Variants in RBFOX1 observed in about 807,000 individuals in gnomAD.
RBFOX1 encodes RNA binding protein fox-1 homolog 1.
A neutral mutation model predicts 57.7 loss-of-function variants in RBFOX1; 8 were observed. The observed-to-expected ratio is 0.14, with a 90% CI of 0.08 to 0.25. The LOEUF (loss-of-function observed/expected upper bound fraction) is 0.25. Among genes scored for constraint, RBFOX1 ranks in the 10% least tolerant of loss-of-function variants. The probability of loss-of-function intolerance (pLI) is 1.00; values close to 1 mark genes in which losing one functional copy is unlikely to be tolerated. For synonymous variants in RBFOX1, 326 were observed against 222.4 expected, an observed-to-expected ratio of 1.47 and a Z score of -4.15; for missense variants, 611 against 548.5, an observed-to-expected ratio of 1.11 and a Z score of -1.14.
chr16:5,898,608 T>G (rs757939251), intron 4 of RBFOX1, among the ~76,000 whole-genome samples: 3 of 152,080 alleles, frequency 2.0e-5, no homozygotes, highest in Non-Finnish European at 4.4e-5. Flanking sequence ...CAAGTCTGTT[T>G]TGCAGATGAA....
intron 1 of RBFOX1, among the ~76,000 whole-genome samples, chr16:5,327,177 C>T (rs907723064): frequency 1.3e-5 from 2 of 152,142 alleles, no homozygotes; most frequent in African/African-American, 4.8e-5. Context: ...CCTGGAGATT[C>T]CAAAAATTTG....
chr16:6,134,024 C>T (rs767197664), intron 1 of RBFOX1, among the ~76,000 whole-genome samples: 1 of 151,942 alleles, frequency 6.6e-6, no homozygotes, highest in Admixed American at 6.6e-5. Context: ...GCAACCTCTG[C>T]CTCCTGGGTT....
At chr16:6,368,357 T>A (rs1198640004) in intron 2 of RBFOX1, among the ~76,000 whole-genome samples, 1 of 152,166 alleles carries the variant, frequency 6.6e-6, no homozygotes, top group African/African-American at 2.4e-5. Context: ...GATAATGAAA[T>A]GGCATGCTAG....
intron 3 of RBFOX1, among the ~76,000 whole-genome samples, chr16:6,955,483 G>A (rs2081601619): frequency 6.6e-6 from 1 of 151,830 alleles, no homozygotes. Context: ...ATCACATTCA[G>A]GCAAGATATG....
intron 4 of RBFOX1, among the ~76,000 whole-genome samples, chr16:7,351,117 C>G (rs1262558898): frequency 6.6e-6 from 1 of 152,304 alleles, no homozygotes; most frequent in South Asian, 2.1e-4. Flanking sequence ...CCCCTTGGGA[C>G]TGGATCTCTC....
intron 3 of RBFOX1, among the ~76,000 whole-genome samples, chr16:5,807,605 A>G (rs1011388039): frequency 5.3e-5 from 8 of 152,220 alleles, no homozygotes; most frequent in African/African-American, 1.9e-4. Context: ...GTGTATAAAT[A>G]GGGATGAATG....
intron 4 of RBFOX1, among the ~76,000 whole-genome samples, chr16:7,415,750 TA>T (rs1483521654): frequency 1.3e-5 from 2 of 151,452 alleles, no homozygotes; most frequent in Non-Finnish European, 2.9e-5. Context: ...ATGGTTACGT[TA>T]ATTTTCCAGT....
intron 2 of RBFOX1, among the ~76,000 whole-genome samples, chr16:6,647,527 C>T (rs8058262): frequency 0.52 from 79,380 of 151,634 alleles, 21,158 homozygotes; most frequent in Admixed American, 0.65. Context: ...GGATTATAGG[C>T]GTGAGCCACC....
intron 3 of RBFOX1, among the ~76,000 whole-genome samples, chr16:6,757,642 G>C (rs372858198): frequency 1.1e-3 from 171 of 152,230 alleles, no homozygotes; most frequent in African/African-American, 3.8e-3. Flanking sequence ...ACCAGAGGCT[G>C]GGAAGGGTAG....
chr16:7,040,210 G>A (rs372160492), intron 3 of RBFOX1, among the ~76,000 whole-genome samples: 100 of 151,820 alleles, frequency 6.6e-4, no homozygotes, highest in East Asian at 2.5e-3. Flanking sequence ...TAGTAGAGAC[G>A]GGGTTTCACC....
chr16:5,240,732 G>T (rs1353402675), intron 1 of RBFOX1, among the ~76,000 whole-genome samples: 2 of 152,216 alleles, frequency 1.3e-5, no homozygotes, highest in Non-Finnish European at 2.9e-5. Flanking sequence ...TCGGGGCGCT[G>T]TCCCTGTGAG....
chr16:6,086,350 A>C (rs1597164328), intron 1 of RBFOX1, among the ~76,000 whole-genome samples: 1 of 152,178 alleles, frequency 6.6e-6, no homozygotes, highest in East Asian at 1.9e-4. Context: ...CATCTCTCAC[A>C]TTTTTCATGC....
Position 7,326,074 on chromosome 16 carries a change from T to C in RBFOX1, c.28-192073T>C, listed in dbSNP as rs77412215. Among the ~76,000 whole-genome samples, 1,362 of 152,278 alleles carry C rather than the reference T, an allele frequency of 8.9e-3. 12 individuals carry two copies. Among genetic ancestry groups the C allele is most frequent in the East Asian group, 0.04 (209 of 5,176 alleles). On this transcript the variant is annotated intron_variant, in intron 4 of 15. Coordinates refer to ENST00000550418, the MANE Select transcript of RBFOX1 (RefSeq NM_018723.4). ...AGGCACACATTCTGTTGTTTAACCT[T>C]GGACAAGTCACTTGGACTCCCTGCG...
At chr16:6,174,323 G>A (rs2096986429) in intron 1 of RBFOX1, among the ~76,000 whole-genome samples, 1 of 152,168 alleles carries the variant, frequency 6.6e-6, no homozygotes, top group East Asian at 1.9e-4. Flanking sequence ...GGCCGGGCAC[G>A]GTGGCTCATG....
chr16:6,845,256 C>G (rs2093694514), intron 3 of RBFOX1, among the ~76,000 whole-genome samples: 2 of 151,874 alleles, frequency 1.3e-5, no homozygotes, highest in African/African-American at 4.8e-5. Flanking sequence ...TTGCCCGTAC[C>G]TGTGTCCTGA....
chr16:6,767,935 TAATAATAATAATAAGAAGAAG>T (rs1440268426), intron 3 of RBFOX1, among the ~76,000 whole-genome samples: 16 of 93,234 alleles, frequency 1.7e-4, no homozygotes, highest in East Asian at 9.9e-4. Context: ...ATAATAATAA[TAATAATAATAATAAGAAGAAG>T]AAGAAGAAGA....
At chr16:7,575,536 G>A (rs1424067996) in intron 5 of RBFOX1, among the ~76,000 whole-genome samples, 4 of 152,160 alleles carry the variant, frequency 2.6e-5, no homozygotes, top group Non-Finnish European at 5.9e-5. Context: ...GAAGGATGCA[G>A]ACCCAAGCCA....
intron 4 of RBFOX1, among the ~76,000 whole-genome samples, chr16:5,972,436 C>G (rs958630856): frequency 2.6e-4 from 40 of 152,182 alleles, no homozygotes; most frequent in African/African-American, 8.2e-4. Context: ...CATTATGTGT[C>G]CAGTGCCTGA....
At chr16:5,863,970 C>T (rs2057286109) in intron 3 of RBFOX1, among the ~76,000 whole-genome samples, 1 of 152,130 alleles carries the variant, frequency 6.6e-6, no homozygotes, top group Non-Finnish European at 1.5e-5. Flanking sequence ...AAACTTGTGT[C>T]ATGAGGGTTT....
Sources: gnomAD v4.1 joint callset for allele counts (sites outside exome capture counted in the v4.1 genomes callset) on GRCh38, gnomAD v4.1.1 for gene constraint, MANE v1.5 for transcripts, NCBI Gene and HGNC (gene_info 2026-07-23, HGNC 2026-07-21) for gene names.